The following ABCF1 variants were observed in gnomAD, a reference collection of about 807,000 sequenced individuals.
ABCF1 encodes ATP-binding cassette sub-family F member 1.
In ABCF1, 73 loss-of-function variants were observed where a neutral mutation model predicts 126.3. That is an observed-to-expected ratio of 0.58 (90% CI 0.48 to 0.70). ABCF1 has a LOEUF of 0.70. ABCF1 is among the 30% of genes least tolerant of loss of function. ABCF1 has a pLI of 0.00. For synonymous variants in ABCF1, 345 were observed against 396.4 expected (o/e 0.87, Z 1.54); for missense variants, 786 against 1,057.5 (o/e 0.74, Z 3.56).
At chr6:30,572,516 T>G (rs1425895124) in intron 1 of ABCF1, among the ~76,000 whole-genome samples, 2 of 152,138 alleles carry the variant, frequency 1.3e-5, no homozygotes, top group Non-Finnish European at 2.9e-5. Context: ...CTGAGTATTT[T>G]TTTTTGAGGC....
chr6:30,584,499 C>T lies in ABCF1; in HGVS notation c.1324C>T (p.Pro442Ser). The change falls in exon 14 of 25, where the codon CCT becomes TCT. Residue 442 changes from proline (P) to serine (S), a missense_variant. This residue lies in a region of ABCF1 where 163 missense variants were observed against 255.3 expected (regional missense o/e 0.64). Coordinates refer to ENST00000326195, the MANE Select transcript of ABCF1 (RefSeq NM_001025091.2). This position sits in a 1 kb window ranked among gnomAD's most constrained non-coding sequence, Gnocchi z 4.6. The part of the protein sequence containing the change: ...RRILAGLGFD[P>S]EMQNRPTQKF... ...GATCCTGGCTGGCCTGGGCTTTGACCCTGAAATGCAGAATCGACCCACACA... is the reference window on the plus strand; with the variant it reads ...GATCCTGGCTGGCCTGGGCTTTGACTCTGAAATGCAGAATCGACCCACACA... The T allele has an allele frequency of 6.2e-7, 1 of 1,612,958 alleles. No individual in the cohort carries two copies. The highest frequency in any genetic ancestry group is 1.1e-5 in the South Asian group (1 of 91,078).
chr6:30,582,569 A>T, intron 9 of ABCF1, 62 bp downstream of exon 9: 2 of 1,556,646 alleles, frequency 1.3e-6, no homozygotes. Flanking sequence ...ACTAGGGGAC[A>T]TGCGATTGGG....
rs1355066924 is a variant in ABCF1, at chr6:30,576,073, C to CT, written c.74-1334dup. 2.7e-5 allele frequency among the ~76,000 whole-genome samples: 3 copies of CT among 112,900 alleles called. No homozygotes were observed. The East Asian group carries it at 7.9e-4, about 30-fold the overall frequency. The allele number at this position is 112,900 out of a possible 152,430, so 74.1% of individuals were successfully genotyped here. On this transcript the variant is annotated intron_variant, in intron 1 of 24. Transcript: ENST00000326195. ...TGGGTGACAGAGCAAGACCCTGTCT[C>CT]TTAAAAAAAAAAAAAAAAAAAGGAG...
intron 1 of ABCF1, among the ~76,000 whole-genome samples, chr6:30,576,712 C>T (rs1338229656): frequency 1.3e-5 from 2 of 152,086 alleles, no homozygotes; most frequent in East Asian, 3.9e-4. Flanking sequence ...TTATTCCCTC[C>T]GATTCTTGCT....
Position 30,585,971 on chromosome 6 carries a change from G to A in ABCF1, c.1693G>A (p.Gly565Arg). The change falls in exon 17 of 25, where the codon GGG (glycine) becomes AGG (arginine). Residue 565 changes from glycine (G) to arginine (R), a missense_variant. By Grantham distance (125) the Gly-to-Arg change is moderately radical. Transcript: ENST00000326195. ...EKKLKELKAG[G>R]KSTKQAEKQT... ...AAAGCTGAAGGAGCTGAAGGCAGGC[G>A]GGAAGTCCACCAAGCAGGCGGTGAG... 1 of 1,610,300 alleles carries A rather than the reference G, an allele frequency of 6.2e-7. No homozygotes were observed. The highest frequency in any genetic ancestry group is 8.5e-7 in the Non-Finnish European group (1 of 1,178,098).
Position 30,578,383 on chromosome 6 carries a change from A to G in ABCF1, c.379A>G (p.Lys127Glu). 1 of 1,614,098 alleles carries G rather than the reference A, an allele frequency of 6.2e-7. No individual in the cohort carries two copies. Among genetic ancestry groups the G allele is most frequent in the South Asian group, 1.1e-5 (1 of 91,090 alleles). ...APKPRGGKKTKGGNVFAALIQ... is the reference protein window; with the variant it reads ...APKPRGGKKTEGGNVFAALIQ... ...AAAACCCCGCGGAGGGAAGAAAACC[A>G]AGGTAAGCCATCTGTGTGGTAAACG... Residue 127 changes from lysine to glutamate, a missense_variant and splice_region_variant, in exon 5 of 25, where the codon AAG (lysine) becomes GAG (glutamate). Around this residue, in one of 4 missense-constraint regions of ABCF1, gnomAD observed 322 missense variants for 322.9 expected, o/e 1.00. Coordinates refer to ENST00000326195, the MANE Select transcript of ABCF1 (RefSeq NM_001025091.2).
chr6:30,571,484 C>G lies in ABCF1; in HGVS notation c.-4C>G, dbSNP rs748680496. On this transcript the variant is annotated 5_prime_UTR_variant, in exon 1 of 25. Transcript: ENST00000326195. The stretch of plus-strand genomic sequence containing the variant: ...CCGCCACAGTAGCTGTAACTGCCAC[C>G]GCGATGCCGAAGGCGCCCAAGCAGC... 6.2e-7 allele frequency: 1 copy of G among 1,609,634 alleles called. No individual in the cohort carries two copies. The highest frequency in any genetic ancestry group is 8.5e-7 in the Non-Finnish European group (1 of 1,178,834).
At chr6:30,571,637 T>A (rs939066544) in intron 1 of ABCF1, 77 bp downstream of exon 1, 4 of 1,497,396 alleles carry the variant, frequency 2.7e-6, no homozygotes, top group Non-Finnish European at 3.6e-6. Context: ...GAGAGGGTCA[T>A]GGGGCACGAG....
chr6:30,581,162 A>G (rs1038100227), intron 8 of ABCF1, among the ~76,000 whole-genome samples: 9 of 152,102 alleles, frequency 5.9e-5, no homozygotes, highest in African/African-American at 2.2e-4. Flanking sequence ...TGTAGTTTGC[A>G]ACACCTAATC....
In ABCF1 at chr6:30,588,502, C is replaced by T. The variant is rs187031485; in HGVS notation, c.2032-1186C>T. 2.8e-4 allele frequency among the ~76,000 whole-genome samples: 42 copies of T among 152,100 alleles called. 1 individual carries two copies. Among genetic ancestry groups the T allele is most frequent in the Non-Finnish European group, 4.7e-4 (32 of 67,998 alleles). ...TTAGCCTCCCGAGTAGCTGGGACAA[C>T]AGGCGCGTGCTACCACGCCCAGCTA... On this transcript the variant is annotated intron_variant, in intron 20 of 24. Transcript: ENST00000326195.
rs9391688 is a variant in ABCF1, at chr6:30,574,307, T to G, written c.73+2747T>G. On this transcript the variant is annotated intron_variant, in intron 1 of 24. Transcript: ENST00000326195. The surrounding 1 kb of genome is among the most constrained non-coding windows in gnomAD (Gnocchi z 4.3). ...TGGCTTATTTTTTGTTTGTTTTTGTTTTTTGTTTTCTGTAGAGATGAGGTC... is the reference window on the plus strand; with the variant it reads ...TGGCTTATTTTTTGTTTGTTTTTGTGTTTTGTTTTCTGTAGAGATGAGGTC... 1.6e-3 allele frequency among the ~76,000 whole-genome samples: 249 copies of G among 152,268 alleles called. 4 individuals carry two copies. The highest frequency in any genetic ancestry group is 0.012 in the Admixed American group (188 of 15,290).
In ABCF1 at chr6:30,578,501, A is replaced by C. The variant is rs1801633077; in HGVS notation, c.413A>C (p.Asp138Ala). Residue 138 changes from aspartate to alanine, a missense_variant, in exon 6 of 25, where the codon GAT becomes GCT. Asp to Ala is a moderately radical substitution (Grantham distance 126). This residue lies in a region of ABCF1 where 322 missense variants were observed against 322.9 expected (regional missense o/e 1.00). Transcript: ENST00000326195. ...GGNVFAALIQDQSEEEEEEEK... is the reference protein window; with the variant it reads ...GGNVFAALIQAQSEEEEEEEK... ...AATGTTTTTGCAGCCCTGATTCAGG[A>C]TCAGAGTGAGGAAGAGGAGGAGGAA... is the stretch of plus-strand genomic sequence containing the variant. 2 of 1,613,928 alleles carry C rather than the reference A, an allele frequency of 1.2e-6. No individual in the cohort carries two copies. Among genetic ancestry groups the C allele is most frequent in the Non-Finnish European group, 8.5e-7 (1 of 1,179,988 alleles).
rs1801749108 is a variant in ABCF1 at position 30,580,346 on chromosome 6, CAAAAAAAAAAAAAGA to C, written c.565-46_565-32del. The C allele has an allele frequency of 6.8e-6, 5 of 732,930 alleles. No individual in the cohort carries two copies. The African/African-American group carries it at 1.8e-4, about 27-fold the overall frequency. The allele number at this position is 732,930 out of a possible 1,614,324, so 45.4% of individuals were successfully genotyped here. On this transcript the variant is annotated intron_variant, in intron 7 of 24. Coordinates refer to ENST00000326195, the MANE Select transcript of ABCF1 (RefSeq NM_001025091.2). ...TGGGTGACAGAGCGAGACTCCGTCT[CAAAAAAAAAAAAAGA>C]AAAAAAAAAAAAACATTTCATCAGA...
chr6:30,578,364 C>G lies in ABCF1; in HGVS notation c.360C>G (p.Pro120=). The G allele has an allele frequency of 6.2e-7, 1 of 1,614,128 alleles. No individual in the cohort carries two copies. Among genetic ancestry groups the G allele is most frequent in the Non-Finnish European group, 8.5e-7 (1 of 1,180,028 alleles). Residue 120 remains proline, a synonymous_variant, in exon 5 of 25, where the codon CCC becomes CCG. Transcript: ENST00000326195. ...DEEDEVPAPK[P]RGGKKTKGGN... ...TCATTTCAGTACCCGCCCCAAAACC[C>G]CGCGGAGGGAAGAAAACCAAGGTAA...
chr6:30,586,887 G>T lies in ABCF1; in HGVS notation c.2031+176G>T, dbSNP rs796527274. 6.6e-6 allele frequency among the ~76,000 whole-genome samples: 1 copy of T among 152,164 alleles called. No individual in the cohort carries two copies. Reference sequence around the variant, plus strand: ...GAGGAAAGAGCTTAGATCAGTTCAGGGGGGAGAGCTAAGAGAATTAAGATA... The same window carrying T: ...GAGGAAAGAGCTTAGATCAGTTCAGTGGGGAGAGCTAAGAGAATTAAGATA... On this transcript the variant is annotated intron_variant, in intron 20 of 24. Transcript: ENST00000326195. This position sits in a 1 kb window ranked among gnomAD's most constrained non-coding sequence, Gnocchi z 4.9.
At chr6:30,573,986 C>T (rs949443867) in intron 1 of ABCF1, among the ~76,000 whole-genome samples, 1 of 152,098 alleles carries the variant, frequency 6.6e-6, no homozygotes, top group Admixed American at 6.6e-5. Flanking sequence ...AAGCGATATA[C>T]GAAAGGAGAG....
chr6:30,580,057 T>G (rs1801727105), intron 7 of ABCF1, 52 bp downstream of exon 7: 4 of 1,585,976 alleles, frequency 2.5e-6, no homozygotes, highest in Non-Finnish European at 3.5e-6. Flanking sequence ...ATTAAAACAT[T>G]TCATCAGGGC....
rs759900446 is a variant in ABCF1, at chr6:30,585,668, A to G, written c.1586A>G (p.Tyr529Cys). ...CTCGATGCCCAGCGGCTCCACTACTATAGGGGCAATTACAGTAAGTAGGAT... is the reference window on the plus strand; with the variant it reads ...CTCGATGCCCAGCGGCTCCACTACTGTAGGGGCAATTACAGTAAGTAGGAT... ...IHLDAQRLHY[Y>C]RGNYMTFKKM... The change falls in exon 16 of 25, where the codon TAT becomes TGT. Residue 529 changes from tyrosine (Y) to cysteine (C), a missense_variant. Around this residue, in one of 4 missense-constraint regions of ABCF1, gnomAD observed 288 missense variants for 423.5 expected, o/e 0.68. Transcript: ENST00000326195. 3.7e-6 allele frequency: 6 copies of G among 1,612,880 alleles called. No homozygotes were observed. In the African/African-American group the frequency reaches 5.3e-5, roughly 14 times the overall value.
In ABCF1 at chr6:30,579,893, GTATGTATGTGTGTAA is replaced by G. The variant is rs367659976; in HGVS notation, c.490-36_490-22del. On this transcript the variant is annotated intron_variant, in intron 6 of 24. Transcript: ENST00000326195. ...ACACAGCAAAGTAGCACAATAATTT[GTATGTATGTGTGTAA>G]TGTGTATGTGTGTCTCCTCCAGGCC... 539 of 1,593,484 alleles carry G rather than the reference GTATGTATGTGTGTAA, an allele frequency of 3.4e-4. 1 individual carries two copies. The African/African-American group carries it at 5.5e-3, about 16-fold the overall frequency.
Sources: gnomAD v4.1 joint callset for allele counts (sites outside exome capture counted in the v4.1 genomes callset) on GRCh38, gnomAD v4.1.1 for gene constraint, gnomAD v4.1.1 regional missense constraint, Gnocchi (gnomAD v3.1) non-coding constraint, MANE v1.5 for transcripts, NCBI Gene and HGNC (gene_info 2026-07-23, HGNC 2026-07-21) for gene names.